The following ITPRID1 variants were observed in gnomAD, a reference collection of about 807,000 sequenced individuals.
ITPRID1 encodes the protein ITPR interacting domain containing 1.
ITPRID1 carries 96 observed loss-of-function variants against 95.4 expected under a neutral mutation model. The ratio of observed to expected loss-of-function variants is 1.01; its 90% confidence interval spans 0.85 to 1.19. ITPRID1 has a LOEUF of 1.19. ITPRID1 is among the 50% of genes most tolerant of loss of function. The pLI is 0.00. For synonymous variants in ITPRID1, 510 were observed against 453.6 expected, an observed-to-expected ratio of 1.12 and a Z score of -1.58; for missense variants, 1,339 against 1,252.9, an observed-to-expected ratio of 1.07 and a Z score of -1.04.
intron 10 of ITPRID1, among the ~76,000 whole-genome samples, chr7:31,631,945 A>G (rs1789038745): frequency 6.6e-6 from 1 of 152,162 alleles, no homozygotes; most frequent in South Asian, 2.1e-4. Context: ...ACCTTTGATG[A>G]CGCCGGCCGA....
chr7:31,626,015 C>A (rs1398721312), intron 10 of ITPRID1, among the ~76,000 whole-genome samples: 3 of 152,050 alleles, frequency 2.0e-5, no homozygotes, highest in Non-Finnish European at 4.4e-5. Context: ...AACTTTATGA[C>A]TAACTCTATG....
chr7:31,519,620 C>CTCTCTCAATATATATATATATA, intron 1 of ITPRID1, among the ~76,000 whole-genome samples: 1 of 25,254 alleles, frequency 4.0e-5, no homozygotes. Context: ...CTCTCTCTCT[C>CTCTCTCAATATATATATATATA]TATATATATA....
rs751664156 is a variant in ITPRID1 at position 31,554,509 on chromosome 7, G to A, written c.198G>A (p.Leu66=). Residue 66 remains leucine, a synonymous_variant, in exon 4 of 15, where the codon CTG becomes CTA. Coordinates refer to ENST00000615280, the MANE Select transcript of ITPRID1 (RefSeq NM_001257967.3). ...DSKQESIQQW[L]DSGFFVSANE... is the part of the protein sequence containing the mutation. ...AGCAAGAAAGTATTCAGCAGTGGCTGGACTCTGGATTCTTGTAAGTGTTTT... is the reference window on the plus strand; with the variant it reads ...AGCAAGAAAGTATTCAGCAGTGGCTAGACTCTGGATTCTTGTAAGTGTTTT... 2.6e-5 allele frequency: 42 copies of A among 1,612,786 alleles called. No individual in the cohort carries two copies. The highest frequency in any genetic ancestry group is 3.5e-5 in the Non-Finnish European group (41 of 1,179,398).
chr7:31,619,457 AG>A (rs1787590750), intron 10 of ITPRID1, among the ~76,000 whole-genome samples: 2 of 152,328 alleles, frequency 1.3e-5, no homozygotes, highest in Admixed American at 1.3e-4. Flanking sequence ...CTGTATGTGT[AG>A]AGCTAAGTTT....
At chr7:31,636,949 T>G (rs1464298796) in intron 10 of ITPRID1, among the ~76,000 whole-genome samples, 1 of 143,868 alleles carries the variant, frequency 7.0e-6, no homozygotes, top group Non-Finnish European at 1.5e-5. Flanking sequence ...TGTGTTCTTA[T>G]TGTTCAGTTC....
intron 1 of ITPRID1, among the ~76,000 whole-genome samples, chr7:31,529,093 C>A (rs946992862): frequency 6.6e-6 from 1 of 152,142 alleles, no homozygotes; most frequent in East Asian, 1.9e-4. Context: ...TAGTGAAATT[C>A]TATGGATGAT....
intron 1 of ITPRID1, among the ~76,000 whole-genome samples, chr7:31,529,140 T>A (rs1694122338): frequency 6.6e-6 from 1 of 152,160 alleles, no homozygotes; most frequent in Non-Finnish European, 1.5e-5. Context: ...AATTTGGACT[T>A]CTTCTTTATG....
chr7:31,535,219 A>T (rs1304731016), intron 1 of ITPRID1, among the ~76,000 whole-genome samples: 3 of 152,172 alleles, frequency 2.0e-5, no homozygotes, highest in African/African-American at 7.2e-5. Flanking sequence ...AGAATCTATC[A>T]TTAAAGTATA....
At position 31,642,880 on chromosome 7, in the gene ITPRID1, G is replaced by A. The variant is rs376345625; in HGVS notation, c.1510G>A (p.Glu504Lys). The A allele has an allele frequency of 1.0e-4, 161 of 1,613,936 alleles. No homozygotes were observed. Among genetic ancestry groups the A allele is most frequent in the Non-Finnish European group, 1.3e-4 (154 of 1,179,916 alleles). The change falls in exon 12 of 15, where the codon GAA becomes AAA. Residue 504 changes from glutamate to lysine, a missense_variant. Glu to Lys is a moderately conservative substitution (Grantham distance 56). Coordinates refer to ENST00000615280, the MANE Select transcript of ITPRID1 (RefSeq NM_001257967.3). Reference protein sequence around the residue: ...EQRASVSVMEEEFLLEAMEGP... With the variant: ...EQRASVSVMEKEFLLEAMEGP... Reference sequence around the variant, plus strand: ...AAGGGCCTCAGTATCTGTGATGGAGGAAGAGTTTCTGCTTGAGGCCATGGA... The same window carrying A: ...AAGGGCCTCAGTATCTGTGATGGAGAAAGAGTTTCTGCTTGAGGCCATGGA...
intron 1 of ITPRID1, among the ~76,000 whole-genome samples, chr7:31,537,186 C>T (rs531934494): frequency 1.1e-4 from 17 of 150,986 alleles, no homozygotes; most frequent in African/African-American, 4.1e-4. Flanking sequence ...TCTTTACTGT[C>T]CTACTTTGCT....
At chr7:31,593,797 A>G (rs960091287) in intron 10 of ITPRID1, among the ~76,000 whole-genome samples, 4 of 152,212 alleles carry the variant, frequency 2.6e-5, no homozygotes, top group African/African-American at 9.6e-5. Context: ...GAGACAGCCT[A>G]AATGCCCACA....
chr7:31,528,100 A>G (rs1783479825), intron 1 of ITPRID1, among the ~76,000 whole-genome samples: 1 of 152,202 alleles, frequency 6.6e-6, no homozygotes, highest in African/African-American at 2.4e-5. Flanking sequence ...TGATTTCCCC[A>G]AGGTAATGTG....
chr7:31,655,215 C>T lies in ITPRID1; in HGVS notation c.*2386C>T, dbSNP rs1791239253. On this transcript the variant is annotated 3_prime_UTR_variant, in exon 15 of 15. Transcript: ENST00000615280. Reference sequence around the variant, plus strand: ...CCCCAACTCAGTTCATCTTCCTGATCCTCTCTGTCAGTGGCACAGCCTTTC... The same window carrying T: ...CCCCAACTCAGTTCATCTTCCTGATTCTCTCTGTCAGTGGCACAGCCTTTC... 6.6e-6 allele frequency among the ~76,000 whole-genome samples: 1 copy of T among 152,124 alleles called. No homozygotes were observed. Among genetic ancestry groups the T allele is most frequent in the Admixed American group, 6.6e-5 (1 of 15,264 alleles).
At chr7:31,535,545 GT>G (rs1267400066) in intron 1 of ITPRID1, among the ~76,000 whole-genome samples, 1 of 151,840 alleles carries the variant, frequency 6.6e-6, no homozygotes. Context: ...AACTTTGAAG[GT>G]TTTTTAAATC....
intron 4 of ITPRID1, 80 bp from the exon 5 acceptor site, chr7:31,554,778 C>A: frequency 8.1e-7 from 1 of 1,241,420 alleles, no homozygotes; most frequent in South Asian, 1.3e-5. Context: ...CATTTGCTCT[C>A]ACCTGTTTAA....
chr7:31,617,674 C>T lies in ITPRID1; in HGVS notation c.1229-24502C>T, dbSNP rs41338744. Reference sequence around the variant, plus strand: ...AAAGGAAAAAAAAACCCACGATACTCTTGTCATTTTCTGATTTATATTAGT... The same window carrying T: ...AAAGGAAAAAAAAACCCACGATACTTTTGTCATTTTCTGATTTATATTAGT... On this transcript the variant is annotated intron_variant, in intron 10 of 14. Coordinates refer to ENST00000615280, the MANE Select transcript of ITPRID1 (RefSeq NM_001257967.3). Among the ~76,000 whole-genome samples the T allele has an allele frequency of 6.3e-3, 952 of 152,038 alleles. 11 individuals are homozygous for T. Among genetic ancestry groups the T allele is most frequent in the African/African-American group, 0.022 (920 of 41,480 alleles).
chr7:31,567,081 G>T (rs2128141821), intron 5 of ITPRID1, among the ~76,000 whole-genome samples: 1 of 152,258 alleles, frequency 6.6e-6, no homozygotes, highest in East Asian at 1.9e-4. Flanking sequence ...GGGAAAAAAA[G>T]ACTGGTGTTC....
rs1337082751 is a variant in ITPRID1, at chr7:31,654,798, G to C, written c.*1969G>C. On this transcript the variant is annotated 3_prime_UTR_variant, in exon 15 of 15. Transcript: ENST00000615280. ...TGTATGAAAAGATGGTCAAAGGAGA[G>C]GTCACTTCTTAGCAAGTAACCTCAG... Among the ~76,000 whole-genome samples the C allele has an allele frequency of 6.6e-6, 1 of 152,102 alleles. No individual in the cohort carries two copies. The highest frequency in any genetic ancestry group is 1.5e-5 in the Non-Finnish European group (1 of 68,020).
At chr7:31,603,368 C>A (rs1583560705) in intron 10 of ITPRID1, among the ~76,000 whole-genome samples, 1 of 152,022 alleles carries the variant, frequency 6.6e-6, no homozygotes, top group Non-Finnish European at 1.5e-5. Flanking sequence ...TTGCAAGTAA[C>A]AATTCTTTTA....
Sources: allele counts gnomAD v4.1 joint callset (sites outside exome capture counted in the v4.1 genomes callset), GRCh38; gene constraint gnomAD v4.1.1; transcripts MANE v1.5; gene names NCBI Gene and HGNC (gene_info 2026-07-23, HGNC 2026-07-21).